The following ALG12 variants were observed in gnomAD, a reference collection of about 807,000 sequenced individuals.
ALG12 encodes ALG12 alpha-1,6-mannosyltransferase, also known as dol-P-Man:Man(7)GlcNAc(2)-PP-Dol alpha-1,6-mannosyltransferase.
Under a neutral mutation model 46.0 loss-of-function variants are expected in ALG12, and 36 were observed. The ratio of observed to expected loss-of-function variants is 0.78; its 90% CI spans 0.60 to 1.03. The LOEUF (loss-of-function observed/expected upper bound fraction) is 1.03, where lower values mean the gene tolerates loss of function less well. Among genes scored for constraint, ALG12 ranks in the 50% least tolerant of loss-of-function variants. ALG12 has a pLI of 0.00. For missense variants in ALG12, 599 were observed against 633.5 expected, an observed-to-expected ratio of 0.95 and a Z score of 0.58; for synonymous variants, 326 against 291.6, an observed-to-expected ratio of 1.12 and a Z score of -1.20.
chr22:49,886,470 G>A, the ALG12 span: 381 of 1,570,188 alleles, frequency 2.4e-4, no homozygotes, highest in African/African-American at 4.7e-3. This position sits in a 1 kb window ranked among gnomAD's most constrained non-coding sequence, Gnocchi z 7.7. Context: ...TGTGCCGTGC[G>A]CTAAAGCCCT....
the ALG12 span, among the ~76,000 whole-genome samples, chr22:49,892,169 C>T: frequency 1.4e-4 from 15 of 105,430 alleles, no homozygotes; most frequent in Admixed American, 9.1e-4. Flanking sequence ...GCCTGGGCGA[C>T]AGAGCAAGAC....
the ALG12 span, among the ~76,000 whole-genome samples, chr22:49,881,601 C>A: frequency 6.6e-6 from 1 of 152,228 alleles, no homozygotes; most frequent in African/African-American, 2.4e-5. Context: ...AGTCTTCAAA[C>A]TCCTGCCCTC....
chr22:49,875,641 G>A, the ALG12 span, among the ~76,000 whole-genome samples: 17,004 of 151,854 alleles, frequency 0.11, 1,316 homozygotes, highest in African/African-American at 0.21. Flanking sequence ...GGCTGGTCTC[G>A]ATCTACTGAC....
downstream of ALG12, among the ~76,000 whole-genome samples, chr22:49,897,436 T>G (rs2060487596): frequency 6.6e-6 from 1 of 152,188 alleles, no homozygotes; most frequent in Non-Finnish European, 1.5e-5. Context: ...TGGTTTGCAT[T>G]CACGCCAGCA....
chr22:49,899,488 A>C (rs1223711137), downstream of ALG12, among the ~76,000 whole-genome samples: 1 of 152,006 alleles, frequency 6.6e-6, no homozygotes, highest in Non-Finnish European at 1.5e-5. Context: ...AAAAAAAAAA[A>C]AAAATGATTG....
At chr22:49,888,914 TAGG>T in the ALG12 span, 14 of 167,234 alleles carry the variant, frequency 8.4e-5, no homozygotes, top group Admixed American at 4.6e-4. Context: ...GCGCACAGGA[TAGG>T]AGGGAGCCAC....
chr22:49,887,177 G>A, the ALG12 span: 63 of 1,604,366 alleles, frequency 3.9e-5, no homozygotes, highest in African/African-American at 6.6e-4. Context: ...TTTCAGTATT[G>A]AAACTCACGA....
downstream of ALG12, among the ~76,000 whole-genome samples, chr22:49,899,952 A>C (rs1383242351): frequency 1.3e-5 from 2 of 152,166 alleles, no homozygotes; most frequent in Non-Finnish European, 2.9e-5. Context: ...TGAAGCCTGG[A>C]GTTCAAGACC....
At chr22:49,914,188 C>T (rs1299609939) in intron 1 of ALG12, among the ~76,000 whole-genome samples, 2 of 152,190 alleles carry the variant, frequency 1.3e-5, no homozygotes, top group African/African-American at 4.8e-5. Flanking sequence ...GTCAGCAAAA[C>T]CCAGGCTTGG....
chr22:49,872,575 G>A, the ALG12 span, among the ~76,000 whole-genome samples: 4 of 152,140 alleles, frequency 2.6e-5, no homozygotes, highest in Admixed American at 2.6e-4. Flanking sequence ...TGTCACCAAG[G>A]CTAAAGTGCA....
the ALG12 span, among the ~76,000 whole-genome samples, chr22:49,869,055 C>T: frequency 6.9e-6 from 1 of 145,376 alleles, no homozygotes; most frequent in Admixed American, 7.0e-5. Context: ...ACCCAGGAGG[C>T]GGAGGTTGGG....
chr22:49,887,063 T>C, the ALG12 span: 1 of 1,614,184 alleles, frequency 6.2e-7, no homozygotes, highest in South Asian at 1.1e-5. Flanking sequence ...TCAGAAAAGC[T>C]GTTCAACACA....
chr22:49,886,618 A>C, the ALG12 span: 3 of 1,578,962 alleles, frequency 1.9e-6, no homozygotes, highest in South Asian at 2.3e-5. The surrounding 1 kb of genome is among the most constrained non-coding windows in gnomAD (Gnocchi z 7.7). Context: ...GCGCTCTCTG[A>C]AGGAGGCCAT....
the ALG12 span, among the ~76,000 whole-genome samples, chr22:49,868,574 C>G: frequency 2.6e-5 from 4 of 152,092 alleles, no homozygotes; most frequent in Non-Finnish European, 5.9e-5. Flanking sequence ...GCGAGACTGT[C>G]TCTTCCAACA....
the ALG12 span, among the ~76,000 whole-genome samples, chr22:49,864,820 C>CAAAAAAAAAAA: frequency 4.5e-5 from 3 of 66,992 alleles, 1 homozygote; most frequent in South Asian, 6.8e-4. Context: ...ACCCTGTCTC[C>CAAAAAAAAAAA]AAAAAAAAAA....
In ALG12 at chr22:49,903,737, G is replaced by T; in HGVS notation, c.*101C>A. ...AGGCAGGTGCCCAGTCCTTTGACTT[G>T]CTTCTCTGAATTGTCATAATTGTGC... is the stretch of plus-strand genomic sequence containing the variant. On this transcript the variant is annotated 3_prime_UTR_variant, in exon 10 of 10. Coordinates refer to ENST00000330817, the MANE Select transcript of ALG12 (RefSeq NM_024105.4). 1 of 1,388,646 alleles carries T rather than the reference G, an allele frequency of 7.2e-7. No homozygotes were observed. Among genetic ancestry groups the T allele is most frequent in the Non-Finnish European group, 1.0e-6 (1 of 988,636 alleles). 86.0% of individuals were successfully genotyped at this position (1,388,646 alleles called of 1,614,324 possible). A position where few individuals can be genotyped will look rare whatever the true frequency, so the allele number is the denominator to read the frequency against.
the ALG12 span, among the ~76,000 whole-genome samples, chr22:49,873,866 G>A: frequency 2.0e-5 from 3 of 149,476 alleles, no homozygotes; most frequent in African/African-American, 7.3e-5. Context: ...GGAGCGAGGA[G>A]CGTGGAGGAC....
chr22:49,911,774 T>C (rs1474271866), intron 3 of ALG12, among the ~76,000 whole-genome samples: 14 of 152,200 alleles, frequency 9.2e-5, no homozygotes, highest in Admixed American at 9.2e-4. Flanking sequence ...TACTCACAAG[T>C]GGGTCTGGCT....
At chr22:49,894,759 G>A in the ALG12 span, among the ~76,000 whole-genome samples, 1 of 152,252 alleles carries the variant, frequency 6.6e-6, no homozygotes, top group Non-Finnish European at 1.5e-5. Flanking sequence ...GTTCCAGAAT[G>A]TGTCCTGACT....
Sources: gnomAD v4.1 joint callset for allele counts (sites outside exome capture counted in the v4.1 genomes callset) on GRCh38, gnomAD v4.1.1 for gene constraint, Gnocchi (gnomAD v3.1) non-coding constraint, MANE v1.5 for transcripts, NCBI Gene and HGNC (gene_info 2026-07-23, HGNC 2026-07-21) for gene names.